BRINP3: variants seen among roughly 807,000 people sequenced by gnomAD.
BRINP3 encodes BMP/retinoic acid-inducible neural-specific protein 3.
A neutral mutation model predicts 71.0 loss-of-function variants in BRINP3; 19 were observed. The ratio of observed to expected loss-of-function variants is 0.27; its 90% CI spans 0.19 to 0.39. The LOEUF is 0.39. Ranked by LOEUF, BRINP3 falls within the 10% of genes least tolerant of loss-of-function variation. BRINP3 has a pLI of 1.00. For missense variants in BRINP3, 959 were observed against 940.8 expected, an observed-to-expected ratio of 1.02 and a Z score of -0.25; for synonymous variants, 380 against 337.7, an observed-to-expected ratio of 1.13 and a Z score of -1.37.
chr1:190,381,690 G>T (rs1241677375), intron 2 of BRINP3, among the ~76,000 whole-genome samples: 3 of 152,018 alleles, frequency 2.0e-5, no homozygotes, highest in Non-Finnish European at 1.5e-5. Context: ...TAATGTAAAT[G>T]AATGGCAGTG....
chr1:190,406,543 A>T (rs1672295635), intron 2 of BRINP3, among the ~76,000 whole-genome samples: 1 of 152,170 alleles, frequency 6.6e-6, no homozygotes, highest in African/African-American at 2.4e-5. Context: ...TTTCTTAAGA[A>T]CTTGATACAG....
intron 7 of BRINP3, among the ~76,000 whole-genome samples, chr1:190,142,300 G>T (rs1380972774): frequency 6.6e-6 from 1 of 152,096 alleles, no homozygotes; most frequent in South Asian, 2.1e-4. Context: ...TACATAACCT[G>T]ATATATGAAA....
chr1:190,160,577 T>G, intron 7 of BRINP3, 91 bp downstream of exon 7: 1 of 973,838 alleles, frequency 1.0e-6, no homozygotes, highest in Non-Finnish European at 1.5e-6. Context: ...GATCATGATT[T>G]GTATATTAAC....
At chr1:190,307,133 A>G (rs1400769847) in intron 2 of BRINP3, among the ~76,000 whole-genome samples, 1 of 151,848 alleles carries the variant, frequency 6.6e-6, no homozygotes, top group Non-Finnish European at 1.5e-5. Flanking sequence ...TGGTTCAGTG[A>G]CATTGCTAAA....
At chr1:190,166,131 G>A (rs1338612568) in intron 6 of BRINP3, among the ~76,000 whole-genome samples, 2 of 152,074 alleles carry the variant, frequency 1.3e-5, no homozygotes, top group African/African-American at 2.4e-5. Flanking sequence ...TATAAGCCAT[G>A]GGTATAGAGT....
intron 2 of BRINP3, among the ~76,000 whole-genome samples, chr1:190,308,574 A>G (rs1665292505): frequency 6.6e-6 from 1 of 151,886 alleles, no homozygotes; most frequent in African/African-American, 2.4e-5. Context: ...GCACACCAGC[A>G]TAGCACATGT....
chr1:190,241,917 C>T (rs972517226), intron 4 of BRINP3, among the ~76,000 whole-genome samples: 3 of 151,156 alleles, frequency 2.0e-5, no homozygotes, highest in Non-Finnish European at 1.5e-5. Context: ...GAAGATAGTG[C>T]CTTATAATAT....
intron 7 of BRINP3, among the ~76,000 whole-genome samples, chr1:190,158,772 A>G (rs561978521): frequency 2.0e-5 from 3 of 151,872 alleles, no homozygotes; most frequent in Non-Finnish European, 4.4e-5. Context: ...TAAACTAAAA[A>G]TGAAAAAAAT....
At chr1:190,245,961 T>C (rs912396839) in intron 4 of BRINP3, among the ~76,000 whole-genome samples, 1 of 152,042 alleles carries the variant, frequency 6.6e-6, no homozygotes, top group African/African-American at 2.4e-5. Context: ...GCATAGTATT[T>C]CATGGTGTGT....
At chr1:190,100,770 T>G (rs1019591078) in intron 7 of BRINP3, among the ~76,000 whole-genome samples, 1 of 152,134 alleles carries the variant, frequency 6.6e-6, no homozygotes, top group African/African-American at 2.4e-5. Flanking sequence ...CATAAAACAT[T>G]TTCCTTTTAA....
At chr1:190,366,173 G>A (rs923205627) in intron 2 of BRINP3, among the ~76,000 whole-genome samples, 1 of 152,082 alleles carries the variant, frequency 6.6e-6, no homozygotes, top group African/African-American at 2.4e-5. Context: ...AGCTGCCTGA[G>A]ACTGAGTAAT....
chr1:190,376,940 T>A (rs926126624), intron 2 of BRINP3, among the ~76,000 whole-genome samples: 1 of 152,024 alleles, frequency 6.6e-6, no homozygotes, highest in Admixed American at 6.6e-5. Flanking sequence ...CCAGTAAATT[T>A]TTTTGCAATT....
At chr1:190,106,627 A>G (rs995595849) in intron 7 of BRINP3, among the ~76,000 whole-genome samples, 1 of 151,436 alleles carries the variant, frequency 6.6e-6, no homozygotes, top group Non-Finnish European at 1.5e-5. Flanking sequence ...TAAACTAGAA[A>G]TGTTCTTGGT....
intron 2 of BRINP3, among the ~76,000 whole-genome samples, chr1:190,340,818 C>A (rs746379274): frequency 6.6e-6 from 1 of 151,640 alleles, no homozygotes; most frequent in Non-Finnish European, 1.5e-5. Flanking sequence ...AATCCTTATT[C>A]TCTAAAAGAG....
chr1:190,112,344 G>C (rs1293300972), intron 7 of BRINP3, among the ~76,000 whole-genome samples: 1 of 152,084 alleles, frequency 6.6e-6, no homozygotes, highest in South Asian at 2.1e-4. Flanking sequence ...GAGAGTATAT[G>C]CTATTTGCTT....
chr1:190,266,835 A>C (rs1661706554), intron 3 of BRINP3, among the ~76,000 whole-genome samples: 1 of 152,200 alleles, frequency 6.6e-6, no homozygotes, highest in Admixed American at 6.5e-5. Context: ...TGAATTATGC[A>C]AGAGACATGT....
intron 6 of BRINP3, among the ~76,000 whole-genome samples, chr1:190,189,110 C>G (rs1249077567): frequency 6.6e-6 from 1 of 152,014 alleles, no homozygotes; most frequent in Non-Finnish European, 1.5e-5. Context: ...ATTTTGTTTT[C>G]CTTAGTGTCT....
intron 2 of BRINP3, among the ~76,000 whole-genome samples, chr1:190,296,074 T>G (rs1558154990): frequency 6.9e-6 from 1 of 145,050 alleles, no homozygotes; most frequent in Non-Finnish European, 1.5e-5. Context: ...TGGTTTTTTT[T>G]TTGGGGGGGG....
intron 6 of BRINP3, among the ~76,000 whole-genome samples, chr1:190,207,141 A>G (rs1305861242): frequency 6.6e-6 from 1 of 152,076 alleles, no homozygotes; most frequent in Non-Finnish European, 1.5e-5. Context: ...TAAATAATCA[A>G]TACTAAATTG....
Sources: gnomAD v4.1 joint callset for allele counts (sites outside exome capture counted in the v4.1 genomes callset) on GRCh38, gnomAD v4.1.1 for gene constraint, MANE v1.5 for transcripts, NCBI Gene and HGNC (gene_info 2026-07-23, HGNC 2026-07-21) for gene names.